NLRP4: variants seen among roughly 807,000 people sequenced by gnomAD.
NLRP4 encodes the protein NACHT, LRR and PYD domains-containing protein 4.
In NLRP4, 44 loss-of-function variants were observed where a neutral mutation model predicts 84.7. That is an observed-to-expected ratio of 0.52 (90% CI 0.41 to 0.67). NLRP4 has a LOEUF of 0.67. Ranked by LOEUF, NLRP4 falls within the 30% of genes least tolerant of loss-of-function variation. NLRP4 has a pLI of 0.00. For synonymous variants in NLRP4, 544 were observed against 476.4 expected (o/e 1.14, Z -1.85); for missense variants, 1,260 against 1,219.4 (o/e 1.03, Z -0.50).
At chr19:55,853,913 TTCTTTC>T (rs563516121) in intron 2 of NLRP4, among the ~76,000 whole-genome samples, 10,197 of 139,540 alleles carry the variant, frequency 0.073, 584 homozygotes, top group Non-Finnish European at 0.099. Context: ...CTCTTTCTCT[TTCTTTC>T]TCTTTCTCTT....
At chr19:55,880,136 A>T (rs1985531464) in intron 9 of NLRP4, among the ~76,000 whole-genome samples, 1 of 151,716 alleles carries the variant, frequency 6.6e-6, no homozygotes, top group African/African-American at 2.4e-5. Flanking sequence ...ATGGGTTAAA[A>T]CTGTTATAAC....
intron 7 of NLRP4, among the ~76,000 whole-genome samples, 193 bp from the exon 8 acceptor site, chr19:55,876,803 G>T (rs1346852101): frequency 1.3e-5 from 2 of 152,110 alleles, no homozygotes; most frequent in African/African-American, 4.8e-5. Flanking sequence ...GTATTTTTTA[G>T]TGTTGCGTGT....
intron 7 of NLRP4, among the ~76,000 whole-genome samples, chr19:55,872,919 C>T (rs781033421): frequency 2.6e-4 from 39 of 151,612 alleles, no homozygotes; most frequent in Admixed American, 1.1e-3. Context: ...GAGCTTGGGG[C>T]GGGGGAAAGT....
chr19:55,875,679 T>A (rs1279100118), intron 7 of NLRP4, among the ~76,000 whole-genome samples: 1 of 152,128 alleles, frequency 6.6e-6, no homozygotes, highest in Non-Finnish European at 1.5e-5. Flanking sequence ...GAAAAGTAAA[T>A]TTTAAAATGT....
At chr19:55,850,567 GTCCGTGGCTGCGGTGTAATT>G (rs1568659076) in intron 1 of NLRP4, among the ~76,000 whole-genome samples, 56 of 18,044 alleles carry the variant, frequency 3.1e-3, no homozygotes, top group East Asian at 6.1e-3. Context: ...GCGGTGTAAT[GTCCGTGGCTGCGGTGTAATT>G]TCCGTGGCTG....
chr19:55,853,917 TTCTC>T (rs1438750819), intron 2 of NLRP4, among the ~76,000 whole-genome samples: 1 of 117,138 alleles, frequency 8.5e-6, no homozygotes, highest in Non-Finnish European at 1.9e-5. Context: ...TTCTCTTTCT[TTCTC>T]TTTCTCTTTC....
Position 55,870,818 on chromosome 19 carries a change from T to TCC in NLRP4, c.2355-6_2355-5dup. ...CTTCACTCTCCTTCTCGTGTTTTTGTCCCCATAGGTTGGCTTTCTGCCACC... is the reference window on the plus strand; with the variant it reads ...CTTCACTCTCCTTCTCGTGTTTTTGTCCCCCCATAGGTTGGCTTTCTGCCACC... On this transcript the variant is annotated splice_polypyrimidine_tract_variant and intron_variant, in intron 6 of 9. Coordinates refer to ENST00000301295, the MANE Select transcript of NLRP4 (RefSeq NM_134444.5). 1 of 1,609,348 alleles carries TCC rather than the reference T, an allele frequency of 6.2e-7. No homozygotes were observed. The highest frequency in any genetic ancestry group is 1.1e-5 in the South Asian group (1 of 90,932).
In NLRP4 at chr19:55,869,379, A is replaced by C. The variant is rs528884924; in HGVS notation, c.2355-1448A>C. On this transcript the variant is annotated intron_variant, in intron 6 of 9. Coordinates refer to ENST00000301295, the MANE Select transcript of NLRP4 (RefSeq NM_134444.5). ...ACTGTCTCAAAAAAAAACAAAAAAT[A>C]AACCAAAAAAAAAACAAAAAACAAC... Among the ~76,000 whole-genome samples, 6 of 78,756 alleles carry C rather than the reference A, an allele frequency of 7.6e-5. No individual in the cohort carries two copies. In the South Asian group the frequency reaches 2.4e-3, roughly 32 times the overall value. The allele number at this position is 78,756 out of a possible 152,430, so 51.7% of individuals were successfully genotyped here.
chr19:55,881,275 CTTTA>C (rs949587220), intron 9 of NLRP4, among the ~76,000 whole-genome samples, 191 bp from the exon 10 acceptor site: 5 of 152,008 alleles, frequency 3.3e-5, no homozygotes, highest in Non-Finnish European at 5.9e-5. Flanking sequence ...TAAATTGGGA[CTTTA>C]TTTATTTTCT....
At chr19:55,861,627 A>G in intron 4 of NLRP4, 80 bp downstream of exon 4, 4 of 1,329,252 alleles carry the variant, frequency 3.0e-6, no homozygotes, top group Non-Finnish European at 4.2e-6. Context: ...AGTCGAGGCT[A>G]ACTGCACAAG....
chr19:55,873,025 G>A (rs1392755214), intron 7 of NLRP4, among the ~76,000 whole-genome samples: 3 of 152,118 alleles, frequency 2.0e-5, no homozygotes, highest in African/African-American at 7.2e-5. Context: ...GGAGACGGGA[G>A]GGTGGATTGT....
intron 4 of NLRP4, 26 bp downstream of exon 4, chr19:55,861,573 G>C: frequency 3.1e-6 from 5 of 1,607,194 alleles, no homozygotes; most frequent in Admixed American, 1.7e-5. Context: ...ACTTCGACTC[G>C]AGTATGTCAC....
At chr19:55,839,759 T>C (rs1983536589) in intron 1 of NLRP4, among the ~76,000 whole-genome samples, 1 of 152,284 alleles carries the variant, frequency 6.6e-6, no homozygotes, top group African/African-American at 2.4e-5. Flanking sequence ...TTTTATTTCA[T>C]TGATTATTTT....
In NLRP4 at chr19:55,857,184, T is replaced by A. The variant is rs76744554; in HGVS notation, c.281-490T>A. On this transcript the variant is annotated intron_variant, in intron 2 of 9. Coordinates refer to ENST00000301295, the MANE Select transcript of NLRP4 (RefSeq NM_134444.5). ...TATAGCTATTTTCCATTTATTTTGC[T>A]ATCATCGTAGCAATGAATACCTGTG... Among the ~76,000 whole-genome samples the A allele has an allele frequency of 7.6e-3, 1,161 of 152,378 alleles. 21 individuals carry two copies. Among genetic ancestry groups the A allele is most frequent in the African/African-American group, 0.027 (1,123 of 41,588 alleles).
chr19:55,863,344 G>T (rs1984835254), intron 5 of NLRP4, among the ~76,000 whole-genome samples: 1 of 152,200 alleles, frequency 6.6e-6, no homozygotes, highest in Non-Finnish European at 1.5e-5. Flanking sequence ...ATAAATAAAA[G>T]AGGTGTAATT....
intron 1 of NLRP4, among the ~76,000 whole-genome samples, chr19:55,840,385 T>C (rs1469345737): frequency 6.9e-6 from 1 of 145,372 alleles, no homozygotes; most frequent in Non-Finnish European, 1.5e-5. Flanking sequence ...TGTATACATA[T>C]TTTCTTTTTT....
chr19:55,864,430 C>T (rs1424007579), intron 5 of NLRP4, among the ~76,000 whole-genome samples: 1 of 152,142 alleles, frequency 6.6e-6, no homozygotes, highest in Non-Finnish European at 1.5e-5. Context: ...AATAGTATTC[C>T]ACTGTGTAGA....
chr19:55,842,853 G>A (rs1023374581), intron 1 of NLRP4, among the ~76,000 whole-genome samples: 2 of 151,922 alleles, frequency 1.3e-5, no homozygotes, highest in African/African-American at 4.8e-5. Flanking sequence ...TCTGCCTCCC[G>A]GGTTCACGCC....
In NLRP4 at chr19:55,881,459, T is replaced by TA; in HGVS notation, c.2868-10dup. 1 of 1,376,720 alleles carries TA rather than the reference T, an allele frequency of 7.3e-7. No individual in the cohort carries two copies. Among genetic ancestry groups the TA allele is most frequent in the Non-Finnish European group, 1.0e-6 (1 of 969,390 alleles). The allele number at this position is 1,376,720 out of a possible 1,614,324, so 85.3% of individuals were successfully genotyped here. A position where few individuals can be genotyped will look rare whatever the true frequency, so the allele number is the denominator to read the frequency against. On this transcript the variant is annotated splice_polypyrimidine_tract_variant and intron_variant, in intron 9 of 9. Coordinates refer to ENST00000301295, the MANE Select transcript of NLRP4 (RefSeq NM_134444.5). ...GAATTAAAAATAGAACCTCTTAAAA[T>TA]ATTTTACCAGGCTGAGAAAAACTGA...
Sources: gnomAD v4.1 joint callset for allele counts (sites outside exome capture counted in the v4.1 genomes callset) on GRCh38, gnomAD v4.1.1 for gene constraint, MANE v1.5 for transcripts, NCBI Gene and HGNC (gene_info 2026-07-23, HGNC 2026-07-21) for gene names.